The following HEPH variants were observed in gnomAD, a reference collection of about 807,000 sequenced individuals.
The protein encoded by HEPH is hephaestin.
Under a neutral mutation model 80.8 loss-of-function variants are expected in HEPH, and 69 were observed. That is an observed-to-expected ratio of 0.85 (90% CI 0.70 to 1.04). The LOEUF (loss-of-function observed/expected upper bound fraction) is 1.04, where lower values mean the gene tolerates loss of function less well. Ranked by LOEUF, HEPH falls within the 50% of genes least tolerant of loss-of-function variation. The probability of loss-of-function intolerance (pLI) is 0.00; values close to 1 mark genes in which losing one functional copy is unlikely to be tolerated. For synonymous variants in HEPH, 431 were observed against 322.8 expected, an observed-to-expected ratio of 1.34 and a Z score of -3.60; for missense variants, 1,115 against 891.3, an observed-to-expected ratio of 1.25 and a Z score of -3.20.
At chrX:66,245,104 G>C (rs1403488237) in intron 15 of HEPH, among the ~76,000 whole-genome samples, 1 of 111,217 alleles carries the variant, frequency 9.0e-6, no homozygotes, top group Admixed American at 9.6e-5. Flanking sequence ...ACATCATAAA[G>C]ACAGGATCAA....
intron 15 of HEPH, among the ~76,000 whole-genome samples, chrX:66,224,819 G>A (rs1236228875): frequency 3.6e-5 from 4 of 109,734 alleles, no homozygotes. Flanking sequence ...TTAACTACTT[G>A]TATCTCTCTC....
At chrX:66,214,438 G>A (rs1010485762) in intron 15 of HEPH, among the ~76,000 whole-genome samples, 2 of 111,155 alleles carry the variant, frequency 1.8e-5, no homozygotes, top group Non-Finnish European at 3.8e-5. Context: ...ATCTTTTCCC[G>A]ATTTGTCATC....
intron 15 of HEPH, among the ~76,000 whole-genome samples, chrX:66,235,955 G>C (rs1040164422): frequency 2.7e-5 from 3 of 111,843 alleles, no homozygotes; most frequent in African/African-American, 9.7e-5. Flanking sequence ...AGGAATGCTA[G>C]TGATTTTCCT....
At chrX:66,200,449 A>G in intron 11 of HEPH, 91 bp from the exon 12 acceptor site, 1 of 706,009 alleles carries the variant, frequency 1.4e-6, no homozygotes, top group Admixed American at 3.4e-5. Context: ...GTTGTGTGAA[A>G]CCATAGTACA....
chrX:66,253,327 G>A (rs1344347836), intron 15 of HEPH, among the ~76,000 whole-genome samples: 4 of 112,429 alleles, frequency 3.6e-5, no homozygotes, highest in Non-Finnish European at 7.5e-5. Context: ...CCAAGAAGAT[G>A]TTAAAATGGA....
chrX:66,170,479 C>T (rs896722651), intron 1 of HEPH, 79 bp from the exon 2 acceptor site: 8 of 929,926 alleles, frequency 8.6e-6, no homozygotes, highest in African/African-American at 2.0e-5. Context: ...GCTCTTGCCT[C>T]TTCAGTTTTC....
At position 66,173,508 on chromosome X, in the gene HEPH, A is replaced by G; in HGVS notation, c.413-81A>G. 4.5e-6 allele frequency: 3 copies of G among 668,719 alleles called. No individual in the cohort carries two copies. In the Admixed American group the frequency reaches 9.3e-5, roughly 21 times the overall value. 55.1% of individuals were successfully genotyped at this position (668,719 alleles called of 1,213,427 possible). On this transcript the variant is annotated intron_variant, in intron 3 of 20. Transcript: ENST00000343002. ...TATAAGACTGGACCTAGGGTTCTACATGTCAGCTCTGTCTTAATTTATGTA... is the reference window on the plus strand; with the variant it reads ...TATAAGACTGGACCTAGGGTTCTACGTGTCAGCTCTGTCTTAATTTATGTA...
At chrX:66,256,050 C>A in intron 16 of HEPH, 55 bp from the exon 17 acceptor site, 3 of 986,387 alleles carry the variant, frequency 3.0e-6, no homozygotes, top group Admixed American at 2.5e-5. Flanking sequence ...CGGAGTACTG[C>A]TACCCAGAAA....
At chrX:66,209,579 G>T (rs781406351) in intron 15 of HEPH, among the ~76,000 whole-genome samples, 3 of 112,483 alleles carry the variant, frequency 2.7e-5, no homozygotes, top group Non-Finnish European at 5.6e-5. Flanking sequence ...CAAAGGCAAA[G>T]AGATTGAAGT....
intron 15 of HEPH, among the ~76,000 whole-genome samples, chrX:66,233,559 G>T (rs2090241299): frequency 9.0e-6 from 1 of 110,997 alleles, no homozygotes; most frequent in Non-Finnish European, 1.9e-5. Flanking sequence ...TTTGCCCAAT[G>T]TTAAACTTTT....
At chrX:66,262,856 A>G (rs890357885) in intron 19 of HEPH, among the ~76,000 whole-genome samples, 2 of 111,751 alleles carry the variant, frequency 1.8e-5, no homozygotes, top group Admixed American at 9.5e-5. Flanking sequence ...CACTGAAAGG[A>G]TGGGAGGTTG....
chrX:66,208,331 T>C, intron 15 of HEPH, 85 bp downstream of exon 15: 10 of 921,731 alleles, frequency 1.1e-5, no homozygotes, highest in Non-Finnish European at 1.5e-5. Context: ...AAAATTAATG[T>C]ACTTCAGACT....
At chrX:66,212,369 G>T (rs942852180) in intron 15 of HEPH, among the ~76,000 whole-genome samples, 8 of 110,325 alleles carry the variant, frequency 7.3e-5, no homozygotes, top group African/African-American at 2.6e-4. Context: ...CCTATTTTTG[G>T]TTTTATTAAC....
intron 15 of HEPH, among the ~76,000 whole-genome samples, chrX:66,249,611 C>A (rs1220783369): frequency 2.7e-5 from 3 of 111,662 alleles, no homozygotes; most frequent in Non-Finnish European, 5.7e-5. Context: ...GTAGAGTTTT[C>A]TCCAGCTGTG....
intron 15 of HEPH, among the ~76,000 whole-genome samples, chrX:66,233,665 G>A (rs1440254659): frequency 9.1e-6 from 1 of 110,359 alleles, no homozygotes; most frequent in Non-Finnish European, 1.9e-5. Context: ...TGGCTAATCT[G>A]TGCATCTAGT....
intron 19 of HEPH, 98 bp from the exon 20 acceptor site, chrX:66,263,546 A>G: frequency 1.1e-6 from 1 of 928,814 alleles, no homozygotes; most frequent in Non-Finnish European, 1.5e-6. Context: ...TTAATCACAG[A>G]GAAATTTCTG....
chrX:66,192,817 A>G (rs186886566), intron 7 of HEPH, among the ~76,000 whole-genome samples: 1 of 111,381 alleles, frequency 9.0e-6, no homozygotes, highest in Admixed American at 9.6e-5. Context: ...CTCCTGCCTC[A>G]TCCATGACCC....
At chrX:66,233,063 G>T (rs2090218548) in intron 15 of HEPH, among the ~76,000 whole-genome samples, 1 of 111,063 alleles carries the variant, frequency 9.0e-6, no homozygotes, top group South Asian at 3.8e-4. Context: ...CAAAAAATGG[G>T]CTTACTTAAG....
chrX:66,202,292 T>C (rs897964949), intron 12 of HEPH, among the ~76,000 whole-genome samples: 3 of 111,563 alleles, frequency 2.7e-5, no homozygotes, highest in Non-Finnish European at 5.6e-5. Context: ...GAGTGCTAGT[T>C]GAGTTTGAGA....
Sources: gnomAD v4.1 joint callset for allele counts (sites outside exome capture counted in the v4.1 genomes callset) on GRCh38, gnomAD v4.1.1 for gene constraint, MANE v1.5 for transcripts, NCBI Gene and HGNC (gene_info 2026-07-23, HGNC 2026-07-21) for gene names.